Variants in FAHD1 observed in about 807,000 individuals in gnomAD.
The protein encoded by FAHD1 is oxaloacetate tautomerase FAHD1, mitochondrial.
A neutral mutation model predicts 12.7 loss-of-function variants in FAHD1; 14 were observed. The observed-to-expected ratio is 1.10, with a 90% CI of 0.73 to 1.72. FAHD1 has a LOEUF of 1.72. Ranked by LOEUF, FAHD1 falls within the 40% of genes most tolerant of loss-of-function variation. FAHD1 has a pLI of 0.00. For synonymous variants in FAHD1, 153 were observed against 124.9 expected, an observed-to-expected ratio of 1.22 and a Z score of -1.50; for missense variants, 351 against 298.9, an observed-to-expected ratio of 1.17 and a Z score of -1.29.
intron 1 of FAHD1, among the ~76,000 whole-genome samples, chr16:1,834,960 A>T (rs930065366): frequency 3.2e-5 from 4 of 126,734 alleles, no homozygotes; most frequent in African/African-American, 1.2e-4. Flanking sequence ...ACTAAAAAAA[A>T]TGTCTAATGC....
exon 1 of FAHD1, chr16:1,827,314 G>T (rs774863827): frequency 6.2e-6 from 10 of 1,613,118 alleles, no homozygotes; most frequent in Non-Finnish European, 8.5e-6. Flanking sequence ...GAACTACGCG[G>T]ACCACGTCAG....
At position 1,827,331 on chromosome 16, in the gene FAHD1, G is replaced by A. The variant is rs1223350559; in HGVS notation, c.93G>A (p.Met31Ile). The stretch of plus-strand genomic sequence containing the variant: ...ACTACGCGGACCACGTCAGGGAGAT[G>A]CGCAGCGCGGTGTTGAGCGAGCCCG... The change falls in exon 1 of 1, where the codon ATG becomes ATA. Residue 31 changes from methionine to isoleucine, a missense_variant. Coordinates refer to ENST00000427358, the Ensembl canonical transcript of FAHD1. 3.1e-6 allele frequency: 5 copies of A among 1,613,178 alleles called. 1 individual carries two copies. In the Admixed American group the frequency reaches 8.3e-5, roughly 27 times the overall value.
intron 1 of FAHD1, chr16:1,834,479 C>T (rs994175080): frequency 1.0e-5 from 6 of 599,932 alleles, no homozygotes; most frequent in Non-Finnish European, 1.8e-5. Context: ...GTTTTGTTTA[C>T]AGATACTAAT....
At position 1,827,771 on chromosome 16, in the gene FAHD1, C is replaced by G. The variant is rs778963849; in HGVS notation, c.533C>G (p.Thr178Ser). The change falls in exon 1 of 1, where the codon ACC becomes AGC. Residue 178 changes from threonine (T) to serine (S), a missense_variant. Coordinates refer to ENST00000427358, the Ensembl canonical transcript of FAHD1. ...ATCAGCTATGTTTCTAAGATCATAACCTTGGAAGAAGGAGATATTATCTTG... is the reference window on the plus strand; with the variant it reads ...ATCAGCTATGTTTCTAAGATCATAAGCTTGGAAGAAGGAGATATTATCTTG... 1.4e-5 allele frequency: 23 copies of G among 1,613,938 alleles called. No homozygotes were observed. The highest frequency in any genetic ancestry group is 1.9e-5 in the Non-Finnish European group (22 of 1,180,018).
exon 3 of FAHD1, chr16:1,839,484 C>CAGATG: frequency 6.6e-7 from 1 of 1,506,062 alleles, no homozygotes; most frequent in Non-Finnish European, 9.0e-7. Flanking sequence ...CCCTAAGCTA[C>CAGATG]AAATTTCATC....
At chr16:1,832,390 C>T (rs1004938679), downstream of FAHD1, among the ~76,000 whole-genome samples, 1 of 150,842 alleles carries the variant, frequency 6.6e-6, no homozygotes, top group African/African-American at 2.4e-5. Flanking sequence ...CCAGGATGGT[C>T]TACATCTCCG....
chr16:1,827,815 G>C, exon 1 of FAHD1: 1 of 1,614,120 alleles, frequency 6.2e-7, no homozygotes, highest in Non-Finnish European at 8.5e-7. Context: ...GCCAAAGGGA[G>C]TTGGACCGGT....
chr16:1,839,906 G>A (rs3848347), exon 3 of FAHD1: 27,274 of 154,042 alleles, frequency 0.18, 2,585 homozygotes, highest in South Asian at 0.27. Flanking sequence ...GCTGCTCACT[G>A]GATGGGCCTG....
chr16:1,838,763 C>T (rs1898816760), intron 2 of FAHD1, among the ~76,000 whole-genome samples: 3 of 152,112 alleles, frequency 2.0e-5, no homozygotes, highest in Admixed American at 2.0e-4. Context: ...GTGATCTTGG[C>T]TCACTGCAAC....
chr16:1,839,499 G>A (rs1378911398), exon 3 of FAHD1: 53 of 1,453,894 alleles, frequency 3.6e-5, no homozygotes, highest in Non-Finnish European at 4.7e-5. Context: ...TTCATCTGTA[G>A]CAGAAAAAGA....
At chr16:1,834,453 G>T (rs1898685707) in intron 1 of FAHD1, 2 of 701,226 alleles carry the variant, frequency 2.9e-6, no homozygotes, top group Admixed American at 4.9e-5. Context: ...ATCACGAATA[G>T]AGAACTGCAA....
chr16:1,839,493 T>C (rs1444229177), exon 3 of FAHD1: 3 of 1,476,660 alleles, frequency 2.0e-6, no homozygotes, highest in Admixed American at 4.3e-5. Flanking sequence ...ACAAATTTCA[T>C]CTGTAGCAGA....
At chr16:1,832,478 C>T (rs34541569), downstream of FAHD1, among the ~76,000 whole-genome samples, 11 of 149,372 alleles carry the variant, frequency 7.4e-5, no homozygotes, top group African/African-American at 2.4e-4. Context: ...GCCTATTTTC[C>T]TCTTTTTCTT....
intron 1 of FAHD1, chr16:1,834,316 C>T (rs200103329): frequency 1.2e-4 from 194 of 1,613,046 alleles, no homozygotes; most frequent in Non-Finnish European, 1.5e-4. Flanking sequence ...CAAGCTTGCA[C>T]GAGAGTACAC....
exon 1 of FAHD1, chr16:1,827,377 A>G (rs1365014089): frequency 6.2e-7 from 1 of 1,612,452 alleles, no homozygotes; most frequent in Non-Finnish European, 8.5e-7. Context: ...GAAGCCGTCC[A>G]CGGCCTACGC....
chr16:1,834,509 G>C (rs945598677), intron 1 of FAHD1: 1 of 535,552 alleles, frequency 1.9e-6, no homozygotes. Context: ...CATTAGAGCT[G>C]TAAGATGATG....
At chr16:1,834,522 A>G (rs1017556324) in intron 1 of FAHD1, among the ~76,000 whole-genome samples, 3 of 152,264 alleles carry the variant, frequency 2.0e-5, no homozygotes, top group Non-Finnish European at 4.4e-5. Flanking sequence ...AGATGATGGG[A>G]AGAGTTCCAG....
chr16:1,837,497 C>T (rs760650713), intron 1 of FAHD1, among the ~76,000 whole-genome samples: 23 of 152,158 alleles, frequency 1.5e-4, no homozygotes, highest in Non-Finnish European at 3.2e-4. Flanking sequence ...TGTACTATTG[C>T]ACCCATCAGC....
chr16:1,828,664 G>A, exon 1 of FAHD1: 1 of 946,156 alleles, frequency 1.1e-6, no homozygotes, highest in South Asian at 5.0e-5. Context: ...TCTCGGACTT[G>A]CTGAATCAAT....
Sources: allele counts gnomAD v4.1 joint callset (sites outside exome capture counted in the v4.1 genomes callset), GRCh38; gene constraint gnomAD v4.1.1; transcripts MANE v1.5; gene names NCBI Gene and HGNC (gene_info 2026-07-23, HGNC 2026-07-21).